Variants in SLC30A8 observed in about 807,000 individuals in gnomAD.
SLC30A8 encodes solute carrier family 30 member 8, also known as proton-coupled zinc antiporter SLC30A8.
In SLC30A8, 27 loss-of-function variants were observed where a neutral mutation model predicts 36.9. The observed-to-expected ratio is 0.73, with a 90% CI of 0.54 to 1.01. The LOEUF is 1.01. SLC30A8 is among the 50% of genes least tolerant of loss of function. The pLI, the probability that SLC30A8 is intolerant of heterozygous loss-of-function variation, is 0.00. For missense variants in SLC30A8, 439 were observed against 452.0 expected (o/e 0.97, Z 0.26); for synonymous variants, 164 against 172.4 (o/e 0.95, Z 0.38).
chr8:117,026,561 C>T (rs1033160022), intron 1 of SLC30A8, among the ~76,000 whole-genome samples: 6 of 152,122 alleles, frequency 3.9e-5, no homozygotes, highest in Non-Finnish European at 8.8e-5. Context: ...GGTTTATTAG[C>T]CTCCTTTTAT....
intron 1 of SLC30A8, among the ~76,000 whole-genome samples, chr8:117,015,438 GA>G (rs986824968): frequency 6.6e-6 from 1 of 151,594 alleles, no homozygotes; most frequent in Non-Finnish European, 1.5e-5. Flanking sequence ...TTTGAAGGTG[GA>G]AAAAAATATC....
chr8:117,151,200 G>A (rs1586591903), intron 2 of SLC30A8, among the ~76,000 whole-genome samples: 1 of 152,094 alleles, frequency 6.6e-6, no homozygotes, highest in Non-Finnish European at 1.5e-5. Context: ...TTTGTGAAAA[G>A]TTCCTCACTC....
chr8:117,072,573 C>T (rs1382672172), intron 2 of SLC30A8, among the ~76,000 whole-genome samples: 1 of 152,236 alleles, frequency 6.6e-6, no homozygotes, highest in East Asian at 1.9e-4. Flanking sequence ...TTCTTTCTTA[C>T]TTTAAGTCCT....
At chr8:117,036,059 T>TA (rs1189098752) in intron 1 of SLC30A8, among the ~76,000 whole-genome samples, 2 of 152,150 alleles carry the variant, frequency 1.3e-5, no homozygotes, top group Non-Finnish European at 2.9e-5. Flanking sequence ...TCTTGGCTAT[T>TA]AACATTTGGC....
In SLC30A8 at chr8:116,987,347, C is replaced by T. The variant is rs567497598; in HGVS notation, c.-266+36228C>T. ...AGGAGATATACCTAATGTTAAATGA[C>T]GAGTTAATGGATGCAGCACACCAAC... On this transcript the variant is annotated intron_variant, in intron 1 of 10. Coordinates refer to the SLC30A8 transcript ENST00000427715. Among the ~76,000 whole-genome samples, 11 of 151,636 alleles carry T rather than the reference C, an allele frequency of 7.3e-5. No individual in the cohort carries two copies. In the South Asian group the frequency reaches 1.3e-3, roughly 17 times the overall value.
At chr8:117,161,986 G>A in intron 5 of SLC30A8, 98 bp downstream of exon 5, 1 of 1,084,392 alleles carries the variant, frequency 9.2e-7, no homozygotes, top group Non-Finnish European at 1.3e-6. Context: ...GGCATCCTCT[G>A]TTTACCTATA....
chr8:117,017,311 T>C (rs1344607368), intron 1 of SLC30A8, among the ~76,000 whole-genome samples: 2 of 152,170 alleles, frequency 1.3e-5, no homozygotes, highest in Non-Finnish European at 2.9e-5. Context: ...TGTTCTAATA[T>C]CAACCTGCTC....
intron 2 of SLC30A8, among the ~76,000 whole-genome samples, chr8:117,108,940 A>G (rs1820110898): frequency 6.6e-6 from 1 of 152,176 alleles, no homozygotes; most frequent in Admixed American, 6.6e-5. Context: ...TTATTGGAAT[A>G]CTTTCTTTCC....
At chr8:117,128,949 A>G (rs1821023604) in intron 2 of SLC30A8, among the ~76,000 whole-genome samples, 1 of 152,030 alleles carries the variant, frequency 6.6e-6, no homozygotes, top group Non-Finnish European at 1.5e-5. Flanking sequence ...GCCTACAAAT[A>G]TACCAACTGA....
In SLC30A8 at chr8:117,163,437, A is replaced by G. The variant is rs1173060676; in HGVS notation, c.736A>G (p.Ile246Val). Residue 246 changes from isoleucine (I) to valine (V), a missense_variant, in exon 6 of 8, where the codon ATA becomes GTA. Coordinates refer to ENST00000456015, the MANE Select transcript of SLC30A8 (RefSeq NM_173851.3). ...TTTTTTTTTCTAGCCAGAGTATAAA[A>G]TAGCCGACCCAATCTGCACATTCAT... ...LIIYFKPEYK[I>V]ADPICTFIFS... The G allele has an allele frequency of 1.9e-6, 3 of 1,613,346 alleles. No homozygotes were observed. Among genetic ancestry groups the G allele is most frequent in the African/African-American group, 1.3e-5 (1 of 74,886 alleles).
chr8:117,088,427 C>T (rs182445855), intron 2 of SLC30A8, among the ~76,000 whole-genome samples: 111 of 152,278 alleles, frequency 7.3e-4, no homozygotes, highest in African/African-American at 2.6e-3. Context: ...AATTAGAAAG[C>T]TACAGCCTTC....
chr8:117,146,820 A>C, intron 1 of SLC30A8, 134 bp from the exon 2 acceptor site: 2 of 1,447,690 alleles, frequency 1.4e-6, no homozygotes, highest in African/African-American at 2.9e-5. Flanking sequence ...TTCTTGTAGA[A>C]GGAGCTGCAA....
chr8:117,104,667 A>T (rs1416749375), intron 2 of SLC30A8, among the ~76,000 whole-genome samples: 1 of 152,176 alleles, frequency 6.6e-6, no homozygotes, highest in Admixed American at 6.5e-5. Flanking sequence ...GATCTCATGC[A>T]AGAAAGAATT....
intron 3 of SLC30A8, among the ~76,000 whole-genome samples, chr8:117,155,044 AG>A (rs1286909333): frequency 6.6e-6 from 1 of 152,152 alleles, no homozygotes; most frequent in African/African-American, 2.4e-5. Flanking sequence ...GCACCTCTAT[AG>A]ATACAGAGGT....
chr8:117,055,492 G>A (rs1817842695), intron 2 of SLC30A8, among the ~76,000 whole-genome samples: 2 of 152,266 alleles, frequency 1.3e-5, no homozygotes, highest in Non-Finnish European at 2.9e-5. Flanking sequence ...GACCAGCGGG[G>A]GCCCTTCTCC....
intron 2 of SLC30A8, among the ~76,000 whole-genome samples, chr8:117,150,362 AC>A (rs1283325525): frequency 6.6e-6 from 1 of 152,172 alleles, no homozygotes; most frequent in Non-Finnish European, 1.5e-5. Flanking sequence ...GGGAATTAAC[AC>A]CATCTCAGTT....
chr8:116,977,510 C>CT (rs71305452), intron 1 of SLC30A8, among the ~76,000 whole-genome samples: 2,267 of 116,390 alleles, frequency 0.019, 50 homozygotes, highest in African/African-American at 0.051. Flanking sequence ...TACTTTACCA[C>CT]TTTTTTTTTT....
chr8:117,114,222 A>G (rs1166538951), intron 2 of SLC30A8, among the ~76,000 whole-genome samples: 3 of 152,102 alleles, frequency 2.0e-5, no homozygotes, highest in Admixed American at 1.3e-4. Context: ...GTCTACATTT[A>G]GGAATAATTA....
intron 1 of SLC30A8, among the ~76,000 whole-genome samples, chr8:116,984,980 A>G (rs1586361592): frequency 6.6e-6 from 1 of 152,196 alleles, no homozygotes; most frequent in South Asian, 2.1e-4. Context: ...TAAAATGTAA[A>G]AATAAAATTA....
Sources: gnomAD v4.1 joint callset for allele counts (sites outside exome capture counted in the v4.1 genomes callset) on GRCh38, gnomAD v4.1.1 for gene constraint, MANE v1.5 for transcripts, NCBI Gene and HGNC (gene_info 2026-07-23, HGNC 2026-07-21) for gene names.